SAP130: variants seen among roughly 807,000 people sequenced by gnomAD.
The protein encoded by SAP130 is Sin3A associated protein 130, also known as histone deacetylase complex subunit SAP130.
In SAP130, 16 loss-of-function variants were observed where a neutral mutation model predicts 103.2. That is an observed-to-expected ratio of 0.16 (90% CI 0.10 to 0.24). SAP130 has a LOEUF of 0.24. Among genes scored for constraint, SAP130 ranks in the 10% least tolerant of loss-of-function variants. The pLI, the probability that SAP130 is intolerant of heterozygous loss-of-function variation, is 1.00. For missense variants in SAP130, 990 were observed against 1,359.7 expected, an observed-to-expected ratio of 0.73 and a Z score of 4.28; for synonymous variants, 477 against 497.0, an observed-to-expected ratio of 0.96 and a Z score of 0.53.
chr2:128,027,220 G>C (rs987773996), intron 1 of SAP130: 151 of 1,192,224 alleles, frequency 1.3e-4, no homozygotes, highest in Middle Eastern at 6.7e-4. Context: ...GGCGGCGCCC[G>C]GGGCCCGCTG....
Position 128,000,474 on chromosome 2 carries a change from A to T in SAP130, c.870-20T>A. ...GGCCTACTGAAAAGATAACAAAGAC[A>T]CAATGCAGATGGGCAAGGTCATTTA... On this transcript the variant is annotated intron_variant, in intron 7 of 20. Transcript: ENST00000643581. 1 of 1,613,832 alleles carries T rather than the reference A, an allele frequency of 6.2e-7. No individual in the cohort carries two copies.
At chr2:128,025,830 A>G (rs1012489145) in intron 2 of SAP130, among the ~76,000 whole-genome samples, 2 of 152,310 alleles carry the variant, frequency 1.3e-5, no homozygotes, top group Middle Eastern at 3.4e-3. Flanking sequence ...CTTTTCCTAG[A>G]TAATAAACCC....
intron 15 of SAP130, among the ~76,000 whole-genome samples, chr2:127,972,206 T>C (rs1681138990): frequency 6.6e-6 from 1 of 152,248 alleles, no homozygotes; most frequent in Admixed American, 6.5e-5. Context: ...ACCCTATTTC[T>C]GCACCTGCTG....
chr2:127,950,908 T>C (rs763512641), intron 16 of SAP130, among the ~76,000 whole-genome samples: 3 of 152,320 alleles, frequency 2.0e-5, no homozygotes. Context: ...TCTAATAATT[T>C]GATGAAGTCC....
At chr2:127,981,130 G>A (rs572091133) in intron 14 of SAP130, among the ~76,000 whole-genome samples, 26 of 151,918 alleles carry the variant, frequency 1.7e-4, no homozygotes, top group Middle Eastern at 3.4e-3. Context: ...ACAGCTACCC[G>A]AGGGCAAAAG....
intron 7 of SAP130, among the ~76,000 whole-genome samples, chr2:128,002,814 G>A (rs543764654): frequency 4.6e-5 from 7 of 152,250 alleles, no homozygotes; most frequent in South Asian, 2.1e-4. Context: ...AAAGGCTAAC[G>A]GGAGTCATCA....
At chr2:128,027,187 CG>C (rs1241560378) in intron 1 of SAP130, 105 of 1,238,064 alleles carry the variant, frequency 8.5e-5, no homozygotes, top group Non-Finnish European at 9.6e-5. Flanking sequence ...ATGTGCTCGG[CG>C]GGCGCGGGGA....
Position 127,986,750 on chromosome 2 carries a change from C to G in SAP130, c.1958+35G>C. 6.2e-7 allele frequency: 1 copy of G among 1,600,582 alleles called. No individual in the cohort carries two copies. The highest frequency in any genetic ancestry group is 8.5e-7 in the Non-Finnish European group (1 of 1,169,838). On this transcript the variant is annotated intron_variant, in intron 14 of 20. Transcript: ENST00000643581. This position sits in a 1 kb window ranked among gnomAD's most constrained non-coding sequence, Gnocchi z 4.7. ...TATGTATACCAGTTATATCCAGAAC[C>G]AGAGGTGTCATTCGGCACTACCAGG...
intron 7 of SAP130, among the ~76,000 whole-genome samples, chr2:128,003,385 T>C (rs1021500644): frequency 3.3e-5 from 5 of 150,386 alleles, no homozygotes; most frequent in Non-Finnish European, 7.4e-5. Flanking sequence ...CATACACCTA[T>C]GGTCCCAGGT....
At chr2:127,957,332 G>GA (rs962749714) in intron 15 of SAP130, among the ~76,000 whole-genome samples, 4 of 151,288 alleles carry the variant, frequency 2.6e-5, no homozygotes, top group Non-Finnish European at 5.9e-5. Context: ...GCTGAAAGGG[G>GA]AAAAAAAAGA....
At chr2:128,021,343 A>C (rs531291419) in intron 2 of SAP130, among the ~76,000 whole-genome samples, 1 of 151,306 alleles carries the variant, frequency 6.6e-6, no homozygotes, top group Non-Finnish European at 1.5e-5. Context: ...GCTACTTGGG[A>C]GGCCGAGGCA....
In SAP130 at chr2:128,027,975, G is replaced by T; in HGVS notation, c.-42C>A. 1.0e-6 allele frequency: 1 copy of T among 985,522 alleles called. No homozygotes were observed. The highest frequency in any genetic ancestry group is 1.2e-6 in the Non-Finnish European group (1 of 830,038). The allele number at this position is 985,522 out of a possible 1,614,324, so 61.0% of individuals were successfully genotyped here. On this transcript the variant is annotated 5_prime_UTR_variant, in exon 1 of 21. Transcript: ENST00000643581. ...CGCCCAGTGGCCGCCGCGCCGCCTTGAGCTCGCTCCCGCGCGCTCTCCGTC... is the reference window on the plus strand; with the variant it reads ...CGCCCAGTGGCCGCCGCGCCGCCTTTAGCTCGCTCCCGCGCGCTCTCCGTC...
At chr2:127,950,127 G>A (rs1256713167) in intron 17 of SAP130, 33 bp downstream of exon 17, 2 of 1,612,196 alleles carry the variant, frequency 1.2e-6, no homozygotes, top group African/African-American at 2.7e-5. Context: ...TTATTGGGAA[G>A]CATCATAACA....
chr2:127,970,259 T>C (rs1246486979), intron 15 of SAP130, among the ~76,000 whole-genome samples: 2 of 145,570 alleles, frequency 1.4e-5, no homozygotes, highest in Non-Finnish European at 1.5e-5. Context: ...TAGCTGGGCA[T>C]GGGCCAGGTA....
At chr2:127,988,794 G>A (rs992933220) in intron 13 of SAP130, among the ~76,000 whole-genome samples, 17 of 152,186 alleles carry the variant, frequency 1.1e-4, no homozygotes, top group African/African-American at 3.9e-4. Context: ...AGGCTGTGGT[G>A]AGCCAAGATC....
At chr2:127,947,764 C>CTGTGTGTGTGTGTGAGTG (rs1553500426) in intron 18 of SAP130, among the ~76,000 whole-genome samples, 1 of 143,312 alleles carries the variant, frequency 7.0e-6, no homozygotes, top group Non-Finnish European at 1.5e-5. Flanking sequence ...TTGTGTGTGT[C>CTGTGTGTGTGTGTGAGTG]TGTGTGTGTG....
At chr2:127,968,266 T>C (rs1356507119) in intron 15 of SAP130, among the ~76,000 whole-genome samples, 2 of 151,732 alleles carry the variant, frequency 1.3e-5, no homozygotes, top group African/African-American at 2.4e-5. Context: ...GCCCCCACCA[T>C]GTCCAGCTAA....
At chr2:127,971,834 C>G (rs768227200) in intron 15 of SAP130, among the ~76,000 whole-genome samples, 1 of 152,150 alleles carries the variant, frequency 6.6e-6, no homozygotes, top group Non-Finnish European at 1.5e-5. Context: ...TTTCATCTGT[C>G]CCCTGTCAAC....
intron 15 of SAP130, among the ~76,000 whole-genome samples, chr2:127,975,357 A>C (rs1487693727): frequency 6.6e-6 from 1 of 152,218 alleles, no homozygotes; most frequent in Admixed American, 6.6e-5. Flanking sequence ...ATTGTATGTG[A>C]TTTGAAGATT....
Sources: allele counts gnomAD v4.1 joint callset (sites outside exome capture counted in the v4.1 genomes callset), GRCh38; gene constraint gnomAD v4.1.1; non-coding constraint Gnocchi (gnomAD v3.1); transcripts MANE v1.5; gene names NCBI Gene and HGNC (gene_info 2026-07-23, HGNC 2026-07-21).